Variants in CLVS1 observed in about 807,000 individuals in gnomAD.
The protein encoded by CLVS1 is clavesin-1.
A neutral mutation model predicts 33.1 loss-of-function variants in CLVS1; 10 were observed. That is an observed-to-expected ratio of 0.30 (90% CI 0.19 to 0.51). The LOEUF (loss-of-function observed/expected upper bound fraction) is 0.51, where lower values mean the gene tolerates loss of function less well. Among genes scored for constraint, CLVS1 ranks in the 20% least tolerant of loss-of-function variants. The pLI, the probability that CLVS1 is intolerant of heterozygous loss-of-function variation, is 0.97. For synonymous variants in CLVS1, 163 were observed against 166.1 expected, an observed-to-expected ratio of 0.98 and a Z score of 0.14; for missense variants, 343 against 433.4, an observed-to-expected ratio of 0.79 and a Z score of 1.85.
At chr8:61,035,681 AGGAAG>A in the CLVS1 span, among the ~76,000 whole-genome samples, 1 of 152,216 alleles carries the variant, frequency 6.6e-6, no homozygotes, top group Non-Finnish European at 1.5e-5. Flanking sequence ...TCTTAGGCAC[AGGAAG>A]TCTTCTTCAG....
chr8:61,448,220 T>G (rs1816825815), intron 3 of CLVS1, among the ~76,000 whole-genome samples: 1 of 152,134 alleles, frequency 6.6e-6, no homozygotes, highest in South Asian at 2.1e-4. Context: ...TGTCTTGGCA[T>G]CAATTTATTT....
intron 2 of CLVS1, among the ~76,000 whole-genome samples, chr8:61,367,339 C>G (rs956036898): frequency 6.6e-6 from 1 of 152,202 alleles, no homozygotes; most frequent in African/African-American, 2.4e-5. Context: ...CCCCATTGCA[C>G]AGGAAAACTT....
At chr8:61,328,280 C>T (rs1031010188) in intron 2 of CLVS1, among the ~76,000 whole-genome samples, 2 of 152,070 alleles carry the variant, frequency 1.3e-5, no homozygotes, top group African/African-American at 2.4e-5. Context: ...TTAGAAAGAA[C>T]CCAAAATAAG....
intron 2 of CLVS1, among the ~76,000 whole-genome samples, chr8:61,135,670 T>A (rs1227190965): frequency 6.6e-6 from 1 of 152,234 alleles, no homozygotes; most frequent in Non-Finnish European, 1.5e-5. Flanking sequence ...ATATTTGTTT[T>A]TATTTTTCTG....
At chr8:60,996,439 C>T in the CLVS1 span, among the ~76,000 whole-genome samples, 1 of 152,218 alleles carries the variant, frequency 6.6e-6, no homozygotes, top group Non-Finnish European at 1.5e-5. Context: ...AAGCCAACAG[C>T]AGCTATCACA....
intron 2 of CLVS1, among the ~76,000 whole-genome samples, chr8:61,184,372 A>C (rs1453634912): frequency 6.6e-6 from 1 of 152,242 alleles, no homozygotes; most frequent in Non-Finnish European, 1.5e-5. Context: ...CTTCCTATGC[A>C]GTGAGGATGA....
At chr8:61,390,063 C>T (rs1048902802) in intron 3 of CLVS1, among the ~76,000 whole-genome samples, 4 of 152,130 alleles carry the variant, frequency 2.6e-5, no homozygotes, top group Non-Finnish European at 5.9e-5. Flanking sequence ...ATTGTCTAAA[C>T]TCAACTTCAG....
At chr8:61,129,346 A>T (rs1479495535) in intron 1 of CLVS1, among the ~76,000 whole-genome samples, 2 of 152,230 alleles carry the variant, frequency 1.3e-5, no homozygotes, top group African/African-American at 4.8e-5. Context: ...CCTGCTGTGC[A>T]GCTATGAAGT....
chr8:61,257,864 G>C, intron 2 of CLVS1, among the ~76,000 whole-genome samples: 1 of 152,144 alleles, frequency 6.6e-6, no homozygotes, highest in Middle Eastern at 3.4e-3. Flanking sequence ...TTATTTATGT[G>C]TCTTGTTTCT....
At chr8:61,300,524 T>A (rs1810388557) in intron 2 of CLVS1, 1 of 392,784 alleles carries the variant, frequency 2.5e-6, no homozygotes, top group Non-Finnish European at 4.5e-6. Context: ...TCAAAGTGGG[T>A]CATTCACTTT....
At chr8:61,084,652 A>G (rs1204182519) in intron 1 of CLVS1, among the ~76,000 whole-genome samples, 1 of 152,250 alleles carries the variant, frequency 6.6e-6, no homozygotes, top group Admixed American at 6.5e-5. Context: ...CAAACCTTGC[A>G]TATATATTTA....
chr8:61,412,276 A>G (rs1162312436), intron 3 of CLVS1, among the ~76,000 whole-genome samples: 1 of 152,240 alleles, frequency 6.6e-6, no homozygotes, highest in Admixed American at 6.5e-5. Context: ...AAGAGCACAC[A>G]TACTATGAGA....
chr8:60,998,738 G>A, the CLVS1 span, among the ~76,000 whole-genome samples: 1 of 152,190 alleles, frequency 6.6e-6, no homozygotes, highest in Non-Finnish European at 1.5e-5. Flanking sequence ...CCACAGCAAA[G>A]CAGTGTATTT....
chr8:61,072,978 A>T (rs1041078405), intron 1 of CLVS1, among the ~76,000 whole-genome samples: 1 of 152,136 alleles, frequency 6.6e-6, no homozygotes, highest in African/African-American at 2.4e-5. Context: ...TCATCATATT[A>T]TATTACCAGT....
chr8:61,222,935 T>C (rs1359747802), intron 2 of CLVS1, among the ~76,000 whole-genome samples: 6 of 149,394 alleles, frequency 4.0e-5, no homozygotes, highest in African/African-American at 1.2e-4. Flanking sequence ...TTTTGTCTTT[T>C]TTTTTTTTTT....
At chr8:61,450,068 T>C (rs1439236323) in intron 3 of CLVS1, among the ~76,000 whole-genome samples, 7 of 152,210 alleles carry the variant, frequency 4.6e-5, no homozygotes, top group Non-Finnish European at 1.0e-4. Flanking sequence ...GACACCTTTT[T>C]GCTAGATCAT....
chr8:61,469,128 C>A (rs755178997), intron 5 of CLVS1, among the ~76,000 whole-genome samples: 3 of 152,204 alleles, frequency 2.0e-5, no homozygotes, highest in African/African-American at 7.2e-5. Context: ...ATTTACTGAG[C>A]ATTTTCTCTG....
At chr8:61,198,080 G>A (rs981313478) in intron 2 of CLVS1, among the ~76,000 whole-genome samples, 6 of 151,388 alleles carry the variant, frequency 4.0e-5, no homozygotes, top group Non-Finnish European at 5.9e-5. Flanking sequence ...GTGCTATTCT[G>A]TGTGCAGATA....
chr8:61,023,527 C>A, the CLVS1 span, among the ~76,000 whole-genome samples: 1 of 152,204 alleles, frequency 6.6e-6, no homozygotes, highest in African/African-American at 2.4e-5. Context: ...AACTTGATTT[C>A]GGGGCTTTAA....
Sources: gnomAD v4.1 joint callset for allele counts (sites outside exome capture counted in the v4.1 genomes callset) on GRCh38, gnomAD v4.1.1 for gene constraint, MANE v1.5 for transcripts, NCBI Gene and HGNC (gene_info 2026-07-23, HGNC 2026-07-21) for gene names.